PCDHGA10: variants seen among roughly 807,000 people sequenced by gnomAD.
PCDHGA10 encodes protocadherin gamma-A10.
In PCDHGA10, 42 loss-of-function variants were observed where a neutral mutation model predicts 59.5. The observed-to-expected ratio is 0.71, with a 90% confidence interval of 0.55 to 0.91. The LOEUF (loss-of-function observed/expected upper bound fraction) is 0.91, where lower values mean the gene tolerates loss of function less well. Ranked by LOEUF, PCDHGA10 falls within the 40% of genes least tolerant of loss-of-function variation. The probability of loss-of-function intolerance (pLI) is 0.00; values close to 1 mark genes in which losing one functional copy is unlikely to be tolerated. For missense variants in PCDHGA10, 1,111 were observed against 1,198.2 expected, an observed-to-expected ratio of 0.93 and a Z score of 1.07; for synonymous variants, 511 against 517.2, an observed-to-expected ratio of 0.99 and a Z score of 0.16.
intron 1 of PCDHGA10, chr5:141,421,720 G>T: frequency 6.2e-7 from 1 of 1,613,906 alleles, no homozygotes. Context: ...AGATGTGGGC[G>T]TGAACTCCCT....
intron 1 of PCDHGA10, among the ~76,000 whole-genome samples, chr5:141,436,477 G>A (rs748354852): frequency 1.3e-5 from 2 of 152,168 alleles, no homozygotes; most frequent in Non-Finnish European, 2.9e-5. Context: ...ATGTATCATA[G>A]AAGGATAGCA....
intron 1 of PCDHGA10, chr5:141,424,031 T>G (rs2096796228): frequency 1.9e-6 from 2 of 1,036,050 alleles, no homozygotes; most frequent in African/African-American, 3.4e-5. Flanking sequence ...AAACACTTTT[T>G]ATTTCCATTT....
chr5:141,415,866 T>A, intron 1 of PCDHGA10: 1 of 1,115,266 alleles, frequency 9.0e-7, no homozygotes, highest in Non-Finnish European at 1.2e-6. Context: ...GTTTATAGTG[T>A]TGTTGAGTAC....
chr5:141,443,443 G>A (rs2098388456), intron 1 of PCDHGA10, among the ~76,000 whole-genome samples: 1 of 152,124 alleles, frequency 6.6e-6, no homozygotes, highest in African/African-American at 2.4e-5. Flanking sequence ...CTGTGGTTGC[G>A]CTCCTGTACT....
At chr5:141,454,964 C>T (rs1283179107) in intron 1 of PCDHGA10, among the ~76,000 whole-genome samples, 10 of 151,622 alleles carry the variant, frequency 6.6e-5, no homozygotes, top group African/African-American at 2.4e-4. Flanking sequence ...CCGGCCACCA[C>T]GCCTGGCTAA....
At chr5:141,440,579 C>G (rs1004258822) in intron 1 of PCDHGA10, 12 of 152,188 alleles carry the variant, frequency 7.9e-5, no homozygotes, top group African/African-American at 2.7e-4. Flanking sequence ...TGAGTTTACC[C>G]AGCTGGAACA....
At position 141,476,632 on chromosome 5, in the gene PCDHGA10, T is replaced by A. The variant is rs994726301; in HGVS notation, c.2437-18175T>A. ...TGGGAAGCAACTCTTTACAAACCTATGAGCTGAGCCGAAATGAATACTTTG... is the reference window on the plus strand; with the variant it reads ...TGGGAAGCAACTCTTTACAAACCTAAGAGCTGAGCCGAAATGAATACTTTG... On this transcript the variant is annotated intron_variant, in intron 1 of 3. Transcript: ENST00000398610. The surrounding 1 kb of genome is among the most constrained non-coding windows in gnomAD (Gnocchi z 7.6). 1 of 1,614,216 alleles carries A rather than the reference T, an allele frequency of 6.2e-7. No individual in the cohort carries two copies. The highest frequency in any genetic ancestry group is 8.5e-7 in the Non-Finnish European group (1 of 1,180,028).
In PCDHGA10 at chr5:141,420,134, G is replaced by A. The variant is rs769225630; in HGVS notation, c.2436+4523G>A. The A allele has an allele frequency of 1.1e-5, 18 of 1,613,952 alleles. No homozygotes were observed. Among genetic ancestry groups the A allele is most frequent in the Non-Finnish European group, 1.4e-5 (17 of 1,179,876 alleles). Reference sequence around the variant, plus strand: ...TGCCTATAATTTTTGTGTGCCTGGGGATCAAATGAATCCAGAATTTAATTT... The same window carrying A: ...TGCCTATAATTTTTGTGTGCCTGGGAATCAAATGAATCCAGAATTTAATTT... On this transcript the variant is annotated intron_variant, in intron 1 of 3. Coordinates refer to ENST00000398610, the MANE Select transcript of PCDHGA10 (RefSeq NM_018913.3).
rs112808093 is a variant in PCDHGA10, at chr5:141,489,579, C to A, written c.2437-5228C>A. ...CAGTGCAGGTGGTGACTGAACACCC[C>A]CTGGAGCTAATCCGTGTAGAGGTAG... On this transcript the variant is annotated intron_variant, in intron 1 of 3. Coordinates refer to ENST00000398610, the MANE Select transcript of PCDHGA10 (RefSeq NM_018913.3). This position sits in a 1 kb window ranked among gnomAD's most constrained non-coding sequence, Gnocchi z 4.5. 1.2e-6 allele frequency: 2 copies of A among 1,613,922 alleles called. No individual in the cohort carries two copies. Among genetic ancestry groups the A allele is most frequent in the African/African-American group, 2.7e-5 (2 of 74,916 alleles).
rs1177814811 is a variant in PCDHGA10 at position 141,511,841 on chromosome 5, CTGTTT to C, written c.*675_*679del. The C allele has an allele frequency of 3.2e-5, 5 of 156,826 alleles. No homozygotes were observed. Among genetic ancestry groups the C allele is most frequent in the African/African-American group, 4.8e-5 (2 of 41,458 alleles). The allele number at this position is 156,826 out of a possible 1,614,324, so 9.7% of individuals were successfully genotyped here. ...TCCCAACGCCCTGGGGACCAGTCTT[CTGTTT>C]TGTTTTTCATTGTTTGACGTTTCCA... On this transcript the variant is annotated 3_prime_UTR_variant, in exon 4 of 4. Coordinates refer to ENST00000398610, the MANE Select transcript of PCDHGA10 (RefSeq NM_018913.3).
At chr5:141,417,772 C>A (rs2240701) in intron 1 of PCDHGA10, 340,590 of 1,455,726 alleles carry the variant, frequency 0.23, 43,476 homozygotes, top group African/African-American at 0.5. Flanking sequence ...GGGACTCCTC[C>A]TGTCCTGGGC....
chr5:141,423,887 T>C, intron 1 of PCDHGA10: 2 of 1,282,240 alleles, frequency 1.6e-6, no homozygotes, highest in Non-Finnish European at 2.0e-6. Context: ...CTTGGCATAT[T>C]TTCTTTTGAT....
In PCDHGA10 at chr5:141,413,323, G is replaced by A. The variant is rs1221252167; in HGVS notation, c.148G>A (p.Gly50Ser). 4 of 1,613,840 alleles carry A rather than the reference G, an allele frequency of 2.5e-6. No individual in the cohort carries two copies. The highest frequency in any genetic ancestry group is 3.4e-6 in the Non-Finnish European group (4 of 1,179,918). The change falls in exon 1 of 4, where the codon GGC (glycine) becomes AGC (serine). Residue 50 changes from glycine to serine, a missense_variant. Coordinates refer to ENST00000398610, the MANE Select transcript of PCDHGA10 (RefSeq NM_018913.3). The stretch of plus-strand genomic sequence containing the variant: ...GGAATTAGAGAAAGGCTCTTTCGTG[G>A]GCAACATCTCCAAGGACTTGGGTCT... ...PEELEKGSFVGNISKDLGLAP... is the reference protein window; with the variant it reads ...PEELEKGSFVSNISKDLGLAP...
intron 1 of PCDHGA10, among the ~76,000 whole-genome samples, chr5:141,459,691 C>T (rs754899227): frequency 3.9e-5 from 6 of 152,158 alleles, no homozygotes; most frequent in East Asian, 1.9e-4. Flanking sequence ...TAAAGCGTTC[C>T]GCTTGCTACA....
intron 1 of PCDHGA10, among the ~76,000 whole-genome samples, chr5:141,475,299 T>C (rs1227132122): frequency 6.6e-6 from 1 of 152,204 alleles, no homozygotes; most frequent in Non-Finnish European, 1.5e-5. Context: ...AAATTTCTTA[T>C]TGCTCCCTGG....
rs758715682 is a variant in PCDHGA10, at chr5:141,490,062, C to T, written c.2437-4745C>T. The T allele has an allele frequency of 2.6e-5, 42 of 1,614,100 alleles. No individual in the cohort carries two copies. The highest frequency in any genetic ancestry group is 3.3e-5 in the South Asian group (3 of 91,086). On this transcript the variant is annotated intron_variant, in intron 1 of 3. Coordinates refer to ENST00000398610, the MANE Select transcript of PCDHGA10 (RefSeq NM_018913.3). The surrounding 1 kb of genome is among the most constrained non-coding windows in gnomAD (Gnocchi z 5.4). The stretch of plus-strand genomic sequence containing the variant: ...CCACTGATCCAGACGAGGGCACCAA[C>T]GGCCAACTAGACTATTCTTTTGGAG...
chr5:141,486,012 A>C lies in PCDHGA10; in HGVS notation c.2437-8795A>C. The C allele has an allele frequency of 1.9e-6, 3 of 1,614,064 alleles. No homozygotes were observed. The highest frequency in any genetic ancestry group is 2.5e-6 in the Non-Finnish European group (3 of 1,179,984). On this transcript the variant is annotated intron_variant, in intron 1 of 3. Coordinates refer to ENST00000398610, the MANE Select transcript of PCDHGA10 (RefSeq NM_018913.3). The surrounding 1 kb of genome is among the most constrained non-coding windows in gnomAD (Gnocchi z 5.0). ...GGTCCCAGTGGTAACGTCACCTTTT[A>C]TTTCAGTGGTCATACCCCTGATCGT...
chr5:141,484,242 A>G (rs995022030), intron 1 of PCDHGA10, among the ~76,000 whole-genome samples: 1 of 152,216 alleles, frequency 6.6e-6, no homozygotes, highest in African/African-American at 2.4e-5. Flanking sequence ...TCTGGTCCTT[A>G]GCACCTCCCA....
intron 1 of PCDHGA10, among the ~76,000 whole-genome samples, chr5:141,474,136 G>A (rs1383142266): frequency 1.3e-5 from 2 of 152,056 alleles, no homozygotes; most frequent in East Asian, 3.8e-4. Context: ...AAAACTACAG[G>A]CCTTATTATC....
Sources: allele counts gnomAD v4.1 joint callset (sites outside exome capture counted in the v4.1 genomes callset), GRCh38; gene constraint gnomAD v4.1.1; non-coding constraint Gnocchi (gnomAD v3.1); transcripts MANE v1.5; gene names NCBI Gene and HGNC (gene_info 2026-07-23, HGNC 2026-07-21).